Variants in PPP6C observed in about 807,000 individuals in gnomAD.
PPP6C encodes the protein serine/threonine-protein phosphatase 6 catalytic subunit.
In PPP6C, 11 loss-of-function variants were observed where a neutral mutation model predicts 39.8. The observed-to-expected ratio is 0.28, with a 90% CI of 0.17 to 0.46. The LOEUF (loss-of-function observed/expected upper bound fraction) is 0.46. PPP6C is among the 20% of genes least tolerant of loss of function. The pLI, the probability that PPP6C is intolerant of heterozygous loss-of-function variation, is 1.00. For synonymous variants in PPP6C, 129 were observed against 130.3 expected (o/e 0.99, Z 0.07); for missense variants, 211 against 373.9 (o/e 0.56, Z 3.59).
At chr9:125,156,744 G>GCTCTCTCTCTCTCTCTCTCT in intron 4 of PPP6C, among the ~76,000 whole-genome samples, 1 of 141,442 alleles carries the variant, frequency 7.1e-6, no homozygotes, top group Admixed American at 7.0e-5. Context: ...TAATAAGCTC[G>GCTCTCTCTCTCTCTCTCTCT]CTCTCTCTCT....
chr9:125,171,043 A>G (rs937427950), intron 2 of PPP6C, 42 bp downstream of exon 2: 6 of 1,353,488 alleles, frequency 4.4e-6, no homozygotes, highest in South Asian at 1.4e-5. Flanking sequence ...CACATGGATC[A>G]TGGACAGTAC....
rs191136161 is a variant in PPP6C at position 125,162,817 on chromosome 9, C to T, written c.172-1911G>A. On this transcript the variant is annotated intron_variant, in intron 2 of 6. Transcript: ENST00000373547. ...AGTGGGCCAAGCACAGAGGCTCACG[C>T]CTGTAATCCCAGCACTTTGGGAGGC... Among the ~76,000 whole-genome samples the T allele has an allele frequency of 3.5e-4, 53 of 151,716 alleles. No individual in the cohort carries two copies. In the East Asian group the frequency reaches 8.3e-3, roughly 24 times the overall value.
intron 6 of PPP6C, chr9:125,150,686 G>T: frequency 1.0e-6 from 1 of 965,044 alleles, no homozygotes; most frequent in South Asian, 1.2e-5. Flanking sequence ...GCTCCCACCA[G>T]GGCTTATCTC....
At position 125,164,216 on chromosome 9, in the gene PPP6C, C is replaced by CT. The variant is rs1307179998; in HGVS notation, c.172-3311dup. Reference sequence around the variant, plus strand: ...ATCTACTCTATGTCTCTCCCTCACTCTCTTTTTTTTTTTTTTTTTTTTTTT... The same window carrying CT: ...ATCTACTCTATGTCTCTCCCTCACTCTTCTTTTTTTTTTTTTTTTTTTTTTT... On this transcript the variant is annotated intron_variant, in intron 2 of 6. Transcript: ENST00000373547. Among the ~76,000 whole-genome samples, 217 of 119,778 alleles carry CT rather than the reference C, an allele frequency of 1.8e-3. 21 individuals are homozygous for CT. The highest frequency in any genetic ancestry group is 3.4e-3 in the East Asian group (12 of 3,482). The allele number at this position is 119,778 out of a possible 152,430, so 78.6% of individuals were successfully genotyped here.
chr9:125,169,775 G>T (rs1408176724), intron 2 of PPP6C, among the ~76,000 whole-genome samples: 1 of 152,128 alleles, frequency 6.6e-6, no homozygotes, highest in Non-Finnish European at 1.5e-5. Flanking sequence ...CTACTCTAAA[G>T]AACTGTAATT....
chr9:125,166,991 C>T (rs150592934), intron 2 of PPP6C, among the ~76,000 whole-genome samples: 18 of 152,272 alleles, frequency 1.2e-4, no homozygotes, highest in Admixed American at 7.2e-4. Context: ...CCTCAAACTC[C>T]TGGGCTCAAG....
Position 125,189,039 on chromosome 9 carries a change from A to C in PPP6C, c.75+605T>G, listed in dbSNP as rs1829601513. 4 of 970,696 alleles carry C rather than the reference A, an allele frequency of 4.1e-6. No homozygotes were observed. In the Admixed American group the frequency reaches 8.7e-5, roughly 21 times the overall value. 60.1% of individuals were successfully genotyped at this position (970,696 alleles called of 1,614,324 possible). The stretch of plus-strand genomic sequence containing the variant: ...CAGTAAGCTCAACAACATACTCAGA[A>C]ACGGGATTCACCTCTGAATTAGCAA... On this transcript the variant is annotated intron_variant, in intron 1 of 6. Coordinates refer to ENST00000373547, the MANE Select transcript of PPP6C (RefSeq NM_002721.5).
chr9:125,183,048 C>T (rs1829451906), intron 1 of PPP6C, among the ~76,000 whole-genome samples: 1 of 152,060 alleles, frequency 6.6e-6, no homozygotes, highest in African/African-American at 2.4e-5. Flanking sequence ...CCAAACTTCC[C>T]GTATTCCTTA....
chr9:125,171,466 CACACACACACACAT>C (rs1443631366), intron 1 of PPP6C, among the ~76,000 whole-genome samples: 15 of 85,528 alleles, frequency 1.8e-4, no homozygotes, highest in South Asian at 4.5e-4. Context: ...CATATACACA[CACACACACACACAT>C]ATATATATAT....
chr9:125,165,324 G>A (rs567831668), intron 2 of PPP6C, among the ~76,000 whole-genome samples: 23 of 152,066 alleles, frequency 1.5e-4, no homozygotes, highest in African/African-American at 4.6e-4. Flanking sequence ...GCTTGAACCC[G>A]GGAGGCAGAG....
intron 4 of PPP6C, 147 bp from the exon 5 acceptor site, chr9:125,154,132 C>A (rs1033633980): frequency 4.9e-5 from 31 of 636,980 alleles, no homozygotes; most frequent in Non-Finnish European, 8.1e-5. Context: ...CTGCTAGGAC[C>A]TCCACATAGA....
intron 1 of PPP6C, among the ~76,000 whole-genome samples, chr9:125,172,770 CAA>C (rs1829204596): frequency 2.0e-5 from 3 of 150,622 alleles, no homozygotes; most frequent in African/African-American, 4.9e-5. Context: ...CACACACACA[CAA>C]ACACAAGTAA....
chr9:125,175,332 G>T (rs1487635490), intron 1 of PPP6C, among the ~76,000 whole-genome samples: 3 of 151,796 alleles, frequency 2.0e-5, no homozygotes, highest in African/African-American at 7.3e-5. Flanking sequence ...TAAAATTCTG[G>T]TTTGCATTAG....
At chr9:125,150,508 A>G in intron 6 of PPP6C, 1 of 416,764 alleles carries the variant, frequency 2.4e-6, no homozygotes, top group South Asian at 1.9e-5. Context: ...AACAGTTGAA[A>G]GTTCAAAGTA....
chr9:125,164,216 C>CTTTTTTTTTTTTT lies in PPP6C; in HGVS notation c.172-3311_172-3310insAAAAAAAAAAAAA, dbSNP rs1307179998. ...ATCTACTCTATGTCTCTCCCTCACT[C>CTTTTTTTTTTTTT]TCTTTTTTTTTTTTTTTTTTTTTTT... On this transcript the variant is annotated intron_variant, in intron 2 of 6. Coordinates refer to ENST00000373547, the MANE Select transcript of PPP6C (RefSeq NM_002721.5). 1.7e-5 allele frequency among the ~76,000 whole-genome samples: 2 copies of CTTTTTTTTTTTTT among 119,708 alleles called. 1 individual carries two copies. The allele number at this position is 119,708 out of a possible 152,430, so 78.5% of individuals were successfully genotyped here. A position where few individuals can be genotyped will look rare whatever the true frequency, so the allele number is the denominator to read the frequency against.
chr9:125,186,740 C>T (rs1829537409), intron 1 of PPP6C, among the ~76,000 whole-genome samples: 1 of 151,008 alleles, frequency 6.6e-6, no homozygotes, highest in Non-Finnish European at 1.5e-5. Context: ...AGAGTGAGAC[C>T]ATGTCCCCGC....
At chr9:125,158,589 C>T (rs1836137338) in intron 3 of PPP6C, among the ~76,000 whole-genome samples, 2 of 151,772 alleles carry the variant, frequency 1.3e-5, no homozygotes, top group Admixed American at 1.3e-4. Context: ...TTTTTGATTC[C>T]AGGGAAATCT....
rs555535851 is a variant in PPP6C, at chr9:125,188,303, T to C, written c.75+1341A>G. ...GGGAGACTGAGGCAGGAGAATGGCGTGAACCCGGGAGGCGGAGGTTGCAGT... is the reference window on the plus strand; with the variant it reads ...GGGAGACTGAGGCAGGAGAATGGCGCGAACCCGGGAGGCGGAGGTTGCAGT... On this transcript the variant is annotated intron_variant, in intron 1 of 6. Coordinates refer to ENST00000373547, the MANE Select transcript of PPP6C (RefSeq NM_002721.5). Among the ~76,000 whole-genome samples the C allele has an allele frequency of 4.8e-4, 73 of 152,018 alleles. 1 individual carries two copies. In the South Asian group the frequency reaches 0.013, roughly 28 times the overall value.
intron 4 of PPP6C, among the ~76,000 whole-genome samples, chr9:125,157,492 A>T (rs1836108931): frequency 6.6e-6 from 1 of 152,162 alleles, no homozygotes; most frequent in African/African-American, 2.4e-5. Flanking sequence ...TAAAGTGAAA[A>T]AATCAGGTAT....
Sources: gnomAD v4.1 joint callset for allele counts (sites outside exome capture counted in the v4.1 genomes callset) on GRCh38, gnomAD v4.1.1 for gene constraint, MANE v1.5 for transcripts, NCBI Gene and HGNC (gene_info 2026-07-23, HGNC 2026-07-21) for gene names.